SKA2: variants seen among roughly 807,000 people sequenced by gnomAD.
The protein encoded by SKA2 is spindle and kinetochore associated complex subunit 2.
SKA2 carries 13 observed loss-of-function variants against 16.9 expected under a neutral mutation model. The ratio of observed to expected loss-of-function variants is 0.77; its 90% CI spans 0.50 to 1.22. SKA2 has a LOEUF of 1.22. Ranked by LOEUF, SKA2 falls within the 50% of genes most tolerant of loss-of-function variation. The pLI is 0.00. For missense variants in SKA2, 107 were observed against 139.7 expected (o/e 0.77, Z 1.18); for synonymous variants, 47 against 48.5 (o/e 0.97, Z 0.13).
At chr17:59,145,048 T>C (rs781033767) in intron 1 of SKA2, among the ~76,000 whole-genome samples, 1 of 152,192 alleles carries the variant, frequency 6.6e-6, no homozygotes, top group Non-Finnish European at 1.5e-5. Flanking sequence ...TCCACCCACC[T>C]TGGCCTCCCA....
At position 59,119,306 on chromosome 17, in the gene SKA2, C is replaced by A; in HGVS notation, c.297+13G>T. On this transcript the variant is annotated intron_variant, in intron 3 of 3. Coordinates refer to ENST00000330137, the MANE Select transcript of SKA2 (RefSeq NM_182620.4). ...AAGCTAAACAAATCTAACCTGTCAA[C>A]TGAAAGCATTACCTCCAGGTCTGTT... 3 of 1,612,748 alleles carry A rather than the reference C, an allele frequency of 1.9e-6. No individual in the cohort carries two copies.
intron 1 of SKA2, among the ~76,000 whole-genome samples, chr17:59,142,927 CAAAAAAAAAA>C (rs111796693): frequency 5.0e-5 from 3 of 60,296 alleles, no homozygotes; most frequent in Admixed American, 4.2e-4. Context: ...AACCCCATCT[CAAAAAAAAAA>C]AAAAAAAAAA....
At chr17:59,124,901 T>A (rs539790498) in intron 2 of SKA2, among the ~76,000 whole-genome samples, 1 of 152,060 alleles carries the variant, frequency 6.6e-6, no homozygotes, top group Non-Finnish European at 1.5e-5. Flanking sequence ...CTTAGCACCA[T>A]ACCACAAAGG....
intron 2 of SKA2, among the ~76,000 whole-genome samples, chr17:59,130,399 G>A (rs2046404022): frequency 6.8e-6 from 1 of 147,720 alleles, no homozygotes; most frequent in Non-Finnish European, 1.5e-5. Context: ...ATCACTTGAG[G>A]TCAGGAGCTC....
Position 59,119,359 on chromosome 17 carries a change from A to G in SKA2, c.257T>C (p.Met86Thr). 2 of 1,613,830 alleles carry G rather than the reference A, an allele frequency of 1.2e-6. No homozygotes were observed. The highest frequency in any genetic ancestry group is 8.5e-7 in the Non-Finnish European group (1 of 1,179,826). ...CTTCTGTAGTTTTTGTATCATATTC[A>G]TAGTCTTTTTCACAGTAGCACAAAT... ...SRICATVKKT[M>T]NMIQKLQKQT... The change falls in exon 3 of 4, where the codon ATG (methionine) becomes ACG (threonine). Residue 86 changes from methionine to threonine, a missense_variant. Coordinates refer to ENST00000330137, the MANE Select transcript of SKA2 (RefSeq NM_182620.4).
chr17:59,140,411 T>C (rs1055625639), intron 1 of SKA2, among the ~76,000 whole-genome samples: 2 of 151,804 alleles, frequency 1.3e-5, no homozygotes, highest in African/African-American at 2.4e-5. Context: ...GTATTTTTAG[T>C]AGAGACGGGG....
At chr17:59,127,275 C>T (rs1370241250) in intron 2 of SKA2, among the ~76,000 whole-genome samples, 1 of 152,156 alleles carries the variant, frequency 6.6e-6, no homozygotes, top group African/African-American at 2.4e-5. Context: ...AGGACACGTG[C>T]CTGTAATCCC....
At chr17:59,147,689 A>G (rs2046543998) in intron 1 of SKA2, among the ~76,000 whole-genome samples, 1 of 150,010 alleles carries the variant, frequency 6.7e-6, no homozygotes, top group Non-Finnish European at 1.5e-5. Context: ...GTCTCGAACT[A>G]CTGGGCTCAA....
chr17:59,133,571 C>T (rs538490318), intron 1 of SKA2, among the ~76,000 whole-genome samples: 4 of 152,228 alleles, frequency 2.6e-5, no homozygotes, highest in African/African-American at 9.6e-5. Flanking sequence ...AAAAGCAGTT[C>T]TCAGGTCTAA....
rs558304428 is a variant in SKA2 at position 59,131,271 on chromosome 17, C to T, written c.120+10G>A. On this transcript the variant is annotated intron_variant, in intron 2 of 3. Transcript: ENST00000330137. ...TGATTTTTTTTAAGCTTATTTATTT[C>T]GGAGATTACCTCACTTGCTGAATCA... The T allele has an allele frequency of 4.5e-6, 7 of 1,559,690 alleles. No homozygotes were observed. The highest frequency in any genetic ancestry group is 2.7e-5 in the African/African-American group (2 of 74,004).
intron 1 of SKA2, among the ~76,000 whole-genome samples, chr17:59,144,324 G>A (rs921416503): frequency 6.6e-6 from 1 of 151,578 alleles, no homozygotes; most frequent in African/African-American, 2.4e-5. Flanking sequence ...AATGTAAAAT[G>A]GTATAGCAGT....
chr17:59,141,747 A>C (rs1402453103), intron 1 of SKA2, among the ~76,000 whole-genome samples: 2 of 149,846 alleles, frequency 1.3e-5, no homozygotes, highest in Non-Finnish European at 3.0e-5. Flanking sequence ...AAAAAAAGAG[A>C]GCCTAGGCAT....
chr17:59,115,044 GTTCT>G (rs1306451668), intron 3 of SKA2, among the ~76,000 whole-genome samples: 1 of 144,150 alleles, frequency 6.9e-6, no homozygotes, highest in African/African-American at 2.6e-5. Context: ...TCTTTTTTTC[GTTCT>G]TTCTTCCTTT....
At position 59,112,298 on chromosome 17, in the gene SKA2, T is replaced by G. The variant is rs1369186810; in HGVS notation, c.345A>C (p.Lys115Asn). The change falls in exon 4 of 4, where the codon AAA becomes AAC. Residue 115 changes from lysine (K) to asparagine (N), a missense_variant. Lys to Asn is a moderately conservative substitution (Grantham distance 94). Coordinates refer to ENST00000330137, the MANE Select transcript of SKA2 (RefSeq NM_182620.4). ...TTCTTCATAAATCTGGCATGTGAAA[T>G]TTGAATTGCTCTGCCGCAGTTTTCT... ...KEEKTAAEQF[K>N]FHMPDL 6.2e-7 allele frequency: 1 copy of G among 1,610,740 alleles called. No homozygotes were observed. The highest frequency in any genetic ancestry group is 1.3e-5 in the African/African-American group (1 of 74,804).
chr17:59,153,410 C>G (rs1420703038), intron 1 of SKA2, among the ~76,000 whole-genome samples: 1 of 151,876 alleles, frequency 6.6e-6, no homozygotes, highest in African/African-American at 2.4e-5. Flanking sequence ...CTTCTTCCCT[C>G]CCATTTCTCC....
intron 1 of SKA2, among the ~76,000 whole-genome samples, chr17:59,145,882 C>A (rs975280209): frequency 7.9e-5 from 12 of 151,662 alleles, no homozygotes; most frequent in Non-Finnish European, 1.8e-4. Flanking sequence ...GTCAGCTACT[C>A]GTAAGGCTGA....
chr17:59,112,323 T>A lies in SKA2; in HGVS notation c.320A>T (p.Glu107Val). The change falls in exon 4 of 4, where the codon GAG becomes GTG. Residue 107 changes from glutamate to valine, a missense_variant. Transcript: ENST00000330137. The stretch of plus-strand genomic sequence containing the variant: ...TTTGAATTGCTCTGCCGCAGTTTTC[T>A]CTTCTTTAGTCAGTGGTGACAGCTA... ...DLELSPLTKEEKTAAEQFKFH... is the reference protein window; with the variant it reads ...DLELSPLTKEVKTAAEQFKFH... The A allele has an allele frequency of 6.2e-7, 1 of 1,611,054 alleles. No individual in the cohort carries two copies. Among genetic ancestry groups the A allele is most frequent in the Non-Finnish European group, 8.5e-7 (1 of 1,179,490 alleles).
At chr17:59,129,052 G>A (rs931416253) in intron 2 of SKA2, among the ~76,000 whole-genome samples, 1 of 152,112 alleles carries the variant, frequency 6.6e-6, no homozygotes, top group African/African-American at 2.4e-5. Flanking sequence ...AACAGTACTT[G>A]AAAGATACTG....
intron 1 of SKA2, among the ~76,000 whole-genome samples, chr17:59,132,856 G>A (rs1246990385): frequency 6.6e-6 from 1 of 152,208 alleles, no homozygotes; most frequent in Non-Finnish European, 1.5e-5. Context: ...GATTTGACAT[G>A]ACACTATATT....
Sources: gnomAD v4.1 joint callset for allele counts (sites outside exome capture counted in the v4.1 genomes callset) on GRCh38, gnomAD v4.1.1 for gene constraint, MANE v1.5 for transcripts, NCBI Gene and HGNC (gene_info 2026-07-23, HGNC 2026-07-21) for gene names.